Variants in LAMA5 observed in about 807,000 individuals in gnomAD.
The protein encoded by LAMA5 is laminin subunit alpha 5, also known as laminin subunit alpha-5.
LAMA5 carries 260 observed loss-of-function variants against 433.4 expected under a neutral mutation model. The ratio of observed to expected loss-of-function variants is 0.60; its 90% CI spans 0.54 to 0.66. LAMA5 has a LOEUF of 0.66. LAMA5 is among the 30% of genes least tolerant of loss of function. LAMA5 has a pLI of 0.00. For missense variants in LAMA5, 5,378 were observed against 5,258.5 expected (o/e 1.02, Z -0.70); for synonymous variants, 2,620 against 2,226.6 (o/e 1.18, Z -4.97).
Position 62,324,586 on chromosome 20 carries a change from G to T in LAMA5, c.5530-32C>A, listed in dbSNP as rs369369041. The T allele has an allele frequency of 6.6e-7, 1 of 1,510,370 alleles. No individual in the cohort carries two copies. The highest frequency in any genetic ancestry group is 9.1e-7 in the Non-Finnish European group (1 of 1,095,410). The allele number at this position is 1,510,370 out of a possible 1,614,324, so 93.6% of individuals were successfully genotyped here. A position where few individuals can be genotyped will look rare whatever the true frequency, so the allele number is the denominator to read the frequency against. ...GTGTACGGGGGCAGGTGGCATCAGCGATTGAGAGGACGAGGGGCCCCACCC... is the reference window on the plus strand; with the variant it reads ...GTGTACGGGGGCAGGTGGCATCAGCTATTGAGAGGACGAGGGGCCCCACCC... On this transcript the variant is annotated intron_variant, in intron 41 of 79. Coordinates refer to ENST00000252999, the MANE Select transcript of LAMA5 (RefSeq NM_005560.6). The surrounding 1 kb of genome is among the most constrained non-coding windows in gnomAD (Gnocchi z 4.4).
chr20:62,327,244 G>A lies in LAMA5; in HGVS notation c.5101C>T (p.Leu1701=), dbSNP rs933691804. The A allele has an allele frequency of 6.6e-7, 1 of 1,516,454 alleles. No individual in the cohort carries two copies. 93.9% of individuals were successfully genotyped at this position (1,516,454 alleles called of 1,614,324 possible). A position where few individuals can be genotyped will look rare whatever the true frequency, so the allele number is the denominator to read the frequency against. ...GATGCCCTGCTTACCCGGTCCCCCA[G>A]GTAGGAGGGTGGGGCCTGCCAGTAC... ...ELYWQAPPSY[L]GDRVSSYGGT... Residue 1701 remains leucine (L), a synonymous_variant, in exon 38 of 80, where the codon CTG becomes TTG. Coordinates refer to ENST00000252999, the MANE Select transcript of LAMA5 (RefSeq NM_005560.6).
At chr20:62,356,297 G>C (rs552973369) in intron 2 of LAMA5, 3 of 152,440 alleles carry the variant, frequency 2.0e-5, no homozygotes, top group Non-Finnish European at 4.4e-5. Flanking sequence ...ACCTGGTCGC[G>C]GCTCCCAGGG....
intron 16 of LAMA5, 58 bp from the exon 17 acceptor site, chr20:62,336,844 G>A: frequency 1.9e-6 from 3 of 1,568,472 alleles, no homozygotes; most frequent in Middle Eastern, 3.3e-4. Context: ...GAAGGCCAAG[G>A]GTGTCCCAGG....
Position 62,362,536 on chromosome 20 carries a change from A to T in LAMA5, c.314T>A (p.Ile105Asn). The T allele has an allele frequency of 6.3e-7, 1 of 1,593,534 alleles. No individual in the cohort carries two copies. Among genetic ancestry groups the T allele is most frequent in the Middle Eastern group, 1.7e-4 (1 of 5,886 alleles). Residue 105 changes from isoleucine to asparagine, a missense_variant, in exon 2 of 80, where the codon ATC (isoleucine) becomes AAC (asparagine). By Grantham distance (149) the Ile-to-Asn change is moderately radical (BLOSUM62 -3). Coordinates refer to ENST00000252999, the MANE Select transcript of LAMA5 (RefSeq NM_005560.6). The stretch of plus-strand genomic sequence containing the variant: ...CTTGTTGCTGTTGGCAGCCGTGCAG[A>T]TGTCACAGTACTGGCCCTGCAGAGG... ...NQTIRGQYCDICTAANSNKAH... is the reference protein window; with the variant it reads ...NQTIRGQYCDNCTAANSNKAH...
rs1978706131 is a variant in LAMA5, at chr20:62,323,520, C to T, written c.6000G>A (p.Gly2000=). Residue 2000 remains glycine, a synonymous_variant, in exon 45 of 80, where the codon GGG becomes GGA. Transcript: ENST00000252999. The stretch of plus-strand genomic sequence containing the variant: ...CGGGGGCACAGATCTCGCAGCGGGG[C>T]CCAGTGGTGTGGCGCAGGCAGCCAC... ...ACRGCLRHTT[G]PRCEICAPGF... is the part of the protein sequence containing the mutation. 1 of 1,574,538 alleles carries T rather than the reference C, an allele frequency of 6.4e-7. No homozygotes were observed. Among genetic ancestry groups the T allele is most frequent in the Non-Finnish European group, 8.6e-7 (1 of 1,163,024 alleles).
At chr20:62,352,211 C>T (rs375923857) in intron 4 of LAMA5, 31 bp downstream of exon 4, 3 of 1,571,380 alleles carry the variant, frequency 1.9e-6, no homozygotes, top group African/African-American at 2.7e-5. Context: ...GTTCTCCAGC[C>T]CCCGTACCGC....
At position 62,323,559 on chromosome 20, in the gene LAMA5, CAG is replaced by C. The variant is rs1790435381; in HGVS notation, c.5959_5960del (p.Leu1987AspfsTer65). ...PNLLFSDCDP[L>X]TGACRGCLRH... is the part of the protein sequence containing the mutation. ...GCAGGCAGCCACGGCAGGCGCCCGT[CAG>C]GGGGTCGCAGTCGCTGAAGAGCAAG... On this transcript the variant is annotated frameshift_variant, in exon 45 of 80. Transcript: ENST00000252999. LOFTEE classifies it high-confidence loss of function. 1 of 1,600,350 alleles carries C rather than the reference CAG, an allele frequency of 6.2e-7. No individual in the cohort carries two copies. Among genetic ancestry groups the C allele is most frequent in the Non-Finnish European group, 8.5e-7 (1 of 1,175,798 alleles).
rs925344359 is a variant in LAMA5, at chr20:62,332,537, C to G, written c.3443+20G>C. The G allele has an allele frequency of 1.0e-5, 16 of 1,601,862 alleles. No individual in the cohort carries two copies. Among genetic ancestry groups the G allele is most frequent in the Non-Finnish European group, 1.3e-5 (15 of 1,172,592 alleles). ...AGCCCCGGGCGTGCCCTTACTCCAG[C>G]CCCACCGGCTCCCACTCACCTGTAC... On this transcript the variant is annotated intron_variant, in intron 27 of 79. Coordinates refer to ENST00000252999, the MANE Select transcript of LAMA5 (RefSeq NM_005560.6).
Position 62,332,478 on chromosome 20 carries a change from G to A in LAMA5, c.3446C>T (p.Thr1149Ile). 6.2e-7 allele frequency: 1 copy of A among 1,612,204 alleles called. No individual in the cohort carries two copies. Among genetic ancestry groups the A allele is most frequent in the Non-Finnish European group, 8.5e-7 (1 of 1,179,632 alleles). ...LLSLHPCLYS[T>I]LCRGTARDTQ... ...ATCCCGGGCAGTGCCCCGGCACAGG[G>A]TGCTGTGGGGGGAGGGTGGTCAGCA... Residue 1149 changes from threonine (T) to isoleucine (I), a missense_variant and splice_region_variant, in exon 28 of 80, where the codon ACC becomes ATC. By Grantham distance (89) the Thr-to-Ile change is moderately conservative (BLOSUM62 -1). Transcript: ENST00000252999.
chr20:62,341,039 AAAAT>A (rs71303318), intron 11 of LAMA5, among the ~76,000 whole-genome samples: 4,098 of 147,030 alleles, frequency 0.028, 166 homozygotes, highest in African/African-American at 0.094. Context: ...ACTCTGTGTC[AAAAT>A]AAATAAATAA....
chr20:62,360,260 C>G (rs977982410), intron 2 of LAMA5, among the ~76,000 whole-genome samples: 1 of 118,104 alleles, frequency 8.5e-6, no homozygotes, highest in Non-Finnish European at 1.7e-5. Context: ...AATGAGCAGA[C>G]AGGTGGACAG....
chr20:62,333,313 G>A (rs1980852303), intron 25 of LAMA5, 62 bp downstream of exon 25: 1 of 1,598,484 alleles, frequency 6.3e-7, no homozygotes, highest in Non-Finnish European at 8.5e-7. Flanking sequence ...AGTGGGGGAA[G>A]CCAGGCACAG....
rs2427291 is a variant in LAMA5, at chr20:62,346,268, G to A, written c.1283-53C>T. The A allele has an allele frequency of 0.18, 280,026 of 1,573,124 alleles. 26,761 individuals carry two copies. Among genetic ancestry groups the A allele is most frequent in the Non-Finnish European group, 0.2 (229,899 of 1,159,268 alleles). On this transcript the variant is annotated intron_variant, in intron 9 of 79. Coordinates refer to ENST00000252999, the MANE Select transcript of LAMA5 (RefSeq NM_005560.6). ...CTGGAGCTACCAGGACTCAAGGGGT[G>A]GGCTCCAAGATGTGGCAGTCTCTAC...
rs758393922 is a variant in LAMA5, at chr20:62,311,167, C to T, written c.10083G>A (p.Arg3361=). The T allele has an allele frequency of 8.8e-6, 14 of 1,594,984 alleles. No individual in the cohort carries two copies. In the East Asian group the frequency reaches 2.7e-4, roughly 31 times the overall value. Residue 3361 remains arginine (R), a synonymous_variant, in exon 73 of 80, where the codon AGG becomes AGA. Transcript: ENST00000252999. Reference sequence around the variant, plus strand: ...CCAGCCGGGCCTGGCCTTACCAGTTCCTATGTCGGGCCAGGATGCCCACAA... The same window carrying T: ...CCAGCCGGGCCTGGCCTTACCAGTTTCTATGTCGGGCCAGGATGCCCACAA... The part of the protein sequence containing the change: ...LEFVGILARH[R]NWPSLSMHVL...
chr20:62,314,488 G>A, intron 61 of LAMA5, 48 bp from the exon 62 acceptor site: 2 of 1,610,810 alleles, frequency 1.2e-6, no homozygotes, highest in Non-Finnish European at 1.7e-6. Flanking sequence ...GGGGACCAGG[G>A]ACCAGGCACC....
chr20:62,329,746 G>A (rs370459552), intron 32 of LAMA5, 31 bp downstream of exon 32: 1 of 1,610,608 alleles, frequency 6.2e-7, no homozygotes, highest in Non-Finnish European at 8.5e-7. Context: ...AGGACAGCTG[G>A]TCCCTGAGCA....
intron 2 of LAMA5, among the ~76,000 whole-genome samples, chr20:62,356,677 G>GGGGCCCAGGACCCA (rs918304485): frequency 6.6e-6 from 1 of 152,022 alleles, no homozygotes; most frequent in Admixed American, 6.5e-5. Context: ...CCAGGAGTAC[G>GGGGCCCAGGACCCA]GGGCCCAGGA....
At position 62,309,092 on chromosome 20, in the gene LAMA5, A is replaced by G. The variant is rs1026952139; in HGVS notation, c.*244T>C. ...ACACAGAAGTTACTTTTTAATTTTTAAGGAGGAACCAGTGATGATTGGTGA... is the reference window on the plus strand; with the variant it reads ...ACACAGAAGTTACTTTTTAATTTTTGAGGAGGAACCAGTGATGATTGGTGA... On this transcript the variant is annotated 3_prime_UTR_variant, in exon 80 of 80. Transcript: ENST00000252999. 13 of 601,780 alleles carry G rather than the reference A, an allele frequency of 2.2e-5. No individual in the cohort carries two copies. The highest frequency in any genetic ancestry group is 3.6e-5 in the Non-Finnish European group (13 of 358,716). 37.3% of individuals were successfully genotyped at this position (601,780 alleles called of 1,614,324 possible). A position where few individuals can be genotyped will look rare whatever the true frequency, so the allele number is the denominator to read the frequency against.
In LAMA5 at chr20:62,337,631, T is replaced by A; in HGVS notation, c.2123A>T (p.Asp708Val). 1 of 1,612,030 alleles carries A rather than the reference T, an allele frequency of 6.2e-7. No individual in the cohort carries two copies. ...GTTGTAGGCACCGGGCACACATGTG[T>A]CACACCGCAGCCCCGTCACACGGGG... ...CRPRVTGLRC[D>V]TCVPGAYNFP... is the part of the protein sequence containing the mutation. Residue 708 changes from aspartate (D) to valine (V), a missense_variant, in exon 16 of 80, where the codon GAC (aspartate) becomes GTC (valine). Asp to Val is a radical substitution (Grantham distance 152). Transcript: ENST00000252999.
Sources: gnomAD v4.1 joint callset for allele counts (sites outside exome capture counted in the v4.1 genomes callset) on GRCh38, gnomAD v4.1.1 for gene constraint, Gnocchi (gnomAD v3.1) non-coding constraint, MANE v1.5 for transcripts, NCBI Gene and HGNC (gene_info 2026-07-23, HGNC 2026-07-21) for gene names.